The following RNF130 variants were observed in gnomAD, a reference collection of about 807,000 sequenced individuals.
The protein encoded by RNF130 is E3 ubiquitin-protein ligase RNF130.
A neutral mutation model predicts 44.6 loss-of-function variants in RNF130; 21 were observed. The ratio of observed to expected loss-of-function variants is 0.47; its 90% CI spans 0.33 to 0.68. The LOEUF is 0.68. RNF130 is among the 30% of genes least tolerant of loss of function. RNF130 has a pLI of 0.02. For synonymous variants in RNF130, 214 were observed against 210.4 expected, an observed-to-expected ratio of 1.02 and a Z score of -0.15; for missense variants, 479 against 560.6, an observed-to-expected ratio of 0.85 and a Z score of 1.47.
At chr5:180,032,530 C>A in intron 2 of RNF130, among the ~76,000 whole-genome samples, 1 of 152,116 alleles carries the variant, frequency 6.6e-6, no homozygotes. Context: ...GCCACGAGGC[C>A]CGGCTTCTTT....
At chr5:179,920,793 A>ATATATT (rs1554099391) in intron 7 of RNF130, among the ~76,000 whole-genome samples, 5 of 137,354 alleles carry the variant, frequency 3.6e-5, no homozygotes, top group African/African-American at 1.6e-4. Flanking sequence ...ATATATATAT[A>ATATATT]TATTTTTTTT....
chr5:179,923,878 A>C (rs1761667392), intron 7 of RNF130, among the ~76,000 whole-genome samples: 1 of 152,242 alleles, frequency 6.6e-6, no homozygotes, highest in African/African-American at 2.4e-5. Context: ...ACAGGTCTTG[A>C]AATTAGGATT....
intron 2 of RNF130, among the ~76,000 whole-genome samples, chr5:180,027,108 T>TGGGC (rs2113115270): frequency 6.6e-6 from 1 of 152,224 alleles, no homozygotes; most frequent in South Asian, 2.1e-4. Context: ...GCTTCTGCCC[T>TGGGC]ATGATGAAGG....
At chr5:180,012,598 G>C (rs1337632771) in intron 3 of RNF130, among the ~76,000 whole-genome samples, 1 of 152,138 alleles carries the variant, frequency 6.6e-6, no homozygotes, top group Non-Finnish European at 1.5e-5. Context: ...CCCCATGTCT[G>C]AGCTTAGATG....
At chr5:179,954,808 C>T (rs567943461), downstream of RNF130, among the ~76,000 whole-genome samples, 8 of 152,354 alleles carry the variant, frequency 5.3e-5, no homozygotes, top group African/African-American at 1.9e-4. Context: ...CGTTCTCACT[C>T]CTCAGGTAAG....
At chr5:179,955,707 G>C (rs779581441) in intron 8 of RNF130, 38 bp from the exon 9 acceptor site, 2 of 1,516,226 alleles carry the variant, frequency 1.3e-6, no homozygotes, top group Non-Finnish European at 9.0e-7. Context: ...ATAAATTAAA[G>C]AGTAGTCAAA....
intron 7 of RNF130, among the ~76,000 whole-genome samples, chr5:179,930,017 G>C (rs940635513): frequency 2.0e-5 from 3 of 151,966 alleles, no homozygotes; most frequent in African/African-American, 7.3e-5. Context: ...TGATGCTTTT[G>C]TAAATGTTAT....
exon 8 of RNF130, chr5:179,916,415 T>C (rs1216726474): frequency 6.6e-6 from 1 of 152,222 alleles, no homozygotes; most frequent in African/African-American, 2.4e-5. Context: ...ATTTAGCGTG[T>C]AGCTCGAACG....
At chr5:179,966,405 A>C (rs1007729639) in intron 7 of RNF130, among the ~76,000 whole-genome samples, 1 of 152,240 alleles carries the variant, frequency 6.6e-6, no homozygotes, top group African/African-American at 2.4e-5. Flanking sequence ...TTTCCCACTA[A>C]GTAGCCTGTA....
chr5:180,057,100 G>C (rs188447119), intron 1 of RNF130, among the ~76,000 whole-genome samples: 3 of 152,316 alleles, frequency 2.0e-5, no homozygotes, highest in African/African-American at 7.2e-5. Flanking sequence ...TGCTAATAAG[G>C]TGACTCTTGG....
chr5:179,980,312 T>C (rs1023697440), intron 3 of RNF130, 112 bp from the exon 4 acceptor site: 1 of 886,540 alleles, frequency 1.1e-6, no homozygotes, highest in Middle Eastern at 2.4e-4. Flanking sequence ...TCCCTCTCCA[T>C]GTCCTACATA....
chr5:180,061,976 T>C (rs1023636709), intron 1 of RNF130, among the ~76,000 whole-genome samples: 3 of 152,190 alleles, frequency 2.0e-5, no homozygotes, highest in African/African-American at 7.2e-5. Context: ...CAGAGCCCGC[T>C]GTCTGCTTCA....
intron 1 of RNF130, among the ~76,000 whole-genome samples, chr5:180,057,912 C>T (rs796897069): frequency 9.9e-5 from 15 of 152,262 alleles, no homozygotes; most frequent in South Asian, 2.1e-4. Context: ...TACCTACAAC[C>T]GGTGTCTGAA....
chr5:179,928,339 C>T (rs1338670757), intron 7 of RNF130, among the ~76,000 whole-genome samples: 3 of 151,826 alleles, frequency 2.0e-5, no homozygotes, highest in Non-Finnish European at 4.4e-5. Flanking sequence ...TCTTTCTGTG[C>T]CAATAATGGA....
intron 7 of RNF130, 127 bp from the exon 8 acceptor site, chr5:179,963,691 A>G: frequency 1.4e-6 from 1 of 700,088 alleles, no homozygotes; most frequent in Non-Finnish European, 2.6e-6. Context: ...GGCCCAAGGA[A>G]GTGAAGCAGG....
chr5:179,945,002 G>A (rs1762017188), intron 7 of RNF130, among the ~76,000 whole-genome samples: 1 of 152,222 alleles, frequency 6.6e-6, no homozygotes, highest in South Asian at 2.1e-4. Context: ...TGGGCCAGGT[G>A]GGGTGGCTCA....
At chr5:179,986,449 T>C (rs571677552) in intron 3 of RNF130, among the ~76,000 whole-genome samples, 48 of 152,346 alleles carry the variant, frequency 3.2e-4, no homozygotes, top group African/African-American at 1.1e-3. Flanking sequence ...AGATTCATGA[T>C]ACTGCACTAA....
chr5:180,021,525 A>G (rs1182557386), intron 2 of RNF130, among the ~76,000 whole-genome samples: 1 of 152,098 alleles, frequency 6.6e-6, no homozygotes, highest in Non-Finnish European at 1.5e-5. Flanking sequence ...TCAACATAAC[A>G]ATTCTTAAAA....
Position 180,031,525 on chromosome 5 carries a change from T to C in RNF130, c.442+8928A>G, listed in dbSNP as rs531659723. On this transcript the variant is annotated intron_variant, in intron 2 of 8. Transcript: ENST00000521389. ...TAAATTTGGGGGGAGGCAAAAGTTA[T>C]ACGTAGCTTTTTGACTGTGTGGGGG... Among the ~76,000 whole-genome samples, 888 of 152,262 alleles carry C rather than the reference T, an allele frequency of 5.8e-3. 10 individuals carry two copies. The highest frequency in any genetic ancestry group is 8.3e-3 in the Non-Finnish European group (565 of 68,010).
Sources: allele counts gnomAD v4.1 joint callset (sites outside exome capture counted in the v4.1 genomes callset), GRCh38; gene constraint gnomAD v4.1.1; transcripts MANE v1.5; gene names NCBI Gene and HGNC (gene_info 2026-07-23, HGNC 2026-07-21).